Variants in LRRC8C observed in about 807,000 individuals in gnomAD.
The protein encoded by LRRC8C is leucine rich repeat containing 8 VRAC subunit C.
In LRRC8C, 20 loss-of-function variants were observed where a neutral mutation model predicts 55.3. The ratio of observed to expected loss-of-function variants is 0.36; its 90% confidence interval spans 0.25 to 0.53. The LOEUF (loss-of-function observed/expected upper bound fraction) is 0.53, where lower values mean the gene tolerates loss of function less well. Ranked by LOEUF, LRRC8C falls within the 20% of genes least tolerant of loss-of-function variation. The pLI is 0.92. For missense variants in LRRC8C, 659 were observed against 951.4 expected (o/e 0.69, Z 4.04); for synonymous variants, 376 against 360.7 (o/e 1.04, Z -0.48).
chr1:89,689,662 C>T (rs576798117), intron 2 of LRRC8C, among the ~76,000 whole-genome samples: 4 of 152,020 alleles, frequency 2.6e-5, no homozygotes, highest in South Asian at 2.1e-4. Context: ...AGAAATCGGC[C>T]GGGCATGGTG....
At chr1:89,628,577 G>A (rs1046194138), upstream of LRRC8C, among the ~76,000 whole-genome samples, 4 of 152,138 alleles carry the variant, frequency 2.6e-5, no homozygotes, top group Non-Finnish European at 5.9e-5. Flanking sequence ...TGGGTTCAAT[G>A]AAGTATGGAA....
In LRRC8C at chr1:89,718,597, C is replaced by T. The variant is rs915580723; in HGVS notation, c.*3615C>T. 1.3e-5 allele frequency: 2 copies of T among 152,072 alleles called. No homozygotes were observed. Among genetic ancestry groups the T allele is most frequent in the African/African-American group, 4.8e-5 (2 of 41,402 alleles). The allele number at this position is 152,072 out of a possible 1,614,324, so 9.4% of individuals were successfully genotyped here. On this transcript the variant is annotated 3_prime_UTR_variant, in exon 3 of 3. Coordinates refer to ENST00000370454, the MANE Select transcript of LRRC8C (RefSeq NM_032270.5). ...TCTAATTTCATACCAAATACCTGAT[C>T]AATAGAAATGATATATTTAAGCAGC...
chr1:89,706,420 T>G (rs1310580165), intron 2 of LRRC8C: 1 of 443,562 alleles, frequency 2.3e-6, no homozygotes, highest in Non-Finnish European at 4.5e-6. Context: ...GCTTTTTCAC[T>G]TCCATACTTT....
At chr1:89,702,132 T>C (rs1019501230) in intron 2 of LRRC8C, among the ~76,000 whole-genome samples, 1 of 152,082 alleles carries the variant, frequency 6.6e-6, no homozygotes, top group South Asian at 2.1e-4. Flanking sequence ...GCAGACTGAC[T>C]CTGTGAGGCC....
At chr1:89,625,253 T>C in the LRRC8C span, 1 of 152,160 alleles carries the variant, frequency 6.6e-6, no homozygotes, top group Admixed American at 6.5e-5. Flanking sequence ...TATAAAATTC[T>C]CACACCAAAC....
intron 1 of LRRC8C, among the ~76,000 whole-genome samples, chr1:89,676,877 A>G (rs1657562800): frequency 6.6e-6 from 1 of 152,224 alleles, no homozygotes; most frequent in African/African-American, 2.4e-5. Context: ...CACCTAGCAC[A>G]GAGCCTGACA....
chr1:89,622,625 G>A, the LRRC8C span, among the ~76,000 whole-genome samples: 2 of 152,078 alleles, frequency 1.3e-5, no homozygotes, highest in African/African-American at 4.8e-5. Flanking sequence ...GAGCCACCGC[G>A]CCTGGCCTAC....
chr1:89,714,891 G>A lies in LRRC8C; in HGVS notation c.2321G>A (p.Cys774Tyr). ...ATCCTCCCTCCTGAACTGGGTGACT[G>A]TCGGGCTCTGAAGCGAGCTGGTTTA... Reference protein sequence around the residue: ...FEILPPELGDCRALKRAGLVV... With the variant: ...FEILPPELGDYRALKRAGLVV... The change falls in exon 3 of 3, where the codon TGT (cysteine) becomes TAT (tyrosine). Residue 774 changes from cysteine to tyrosine, a missense_variant. Physicochemically the swap from Cys to Tyr is radical, Grantham distance 194. Coordinates refer to ENST00000370454, the MANE Select transcript of LRRC8C (RefSeq NM_032270.5). The surrounding 1 kb of genome is among the most constrained non-coding windows in gnomAD (Gnocchi z 4.6). 6.2e-7 allele frequency: 1 copy of A among 1,614,120 alleles called. No homozygotes were observed. The highest frequency in any genetic ancestry group is 8.5e-7 in the Non-Finnish European group (1 of 1,179,996).
At chr1:89,661,016 A>G (rs1657105396) in intron 1 of LRRC8C, among the ~76,000 whole-genome samples, 1 of 152,110 alleles carries the variant, frequency 6.6e-6, no homozygotes, top group Non-Finnish European at 1.5e-5. Flanking sequence ...GCTTGTCTCA[A>G]TTTACATAGT....
chr1:89,621,468 A>C, the LRRC8C span, among the ~76,000 whole-genome samples: 3 of 151,994 alleles, frequency 2.0e-5, no homozygotes, highest in South Asian at 6.2e-4. Context: ...CACCATCTCA[A>C]AAAAAAATTC....
intron 1 of LRRC8C, among the ~76,000 whole-genome samples, chr1:89,655,091 C>G (rs1656903801): frequency 6.6e-6 from 1 of 152,028 alleles, no homozygotes; most frequent in Non-Finnish European, 1.5e-5. Flanking sequence ...ACCTCTGTGT[C>G]ATTTTCTCCT....
intron 1 of LRRC8C, among the ~76,000 whole-genome samples, chr1:89,672,436 C>T (rs2185198): frequency 0.61 from 92,709 of 152,096 alleles, 28,574 homozygotes; most frequent in South Asian, 0.74. Context: ...TTCACATTAA[C>T]GAGCTCAATA....
chr1:89,641,551 A>G (rs1409121645), intron 1 of LRRC8C, among the ~76,000 whole-genome samples: 3 of 152,160 alleles, frequency 2.0e-5, no homozygotes, highest in Admixed American at 6.5e-5. Flanking sequence ...TGATCAAGTT[A>G]GAAACTTTTT....
intron 1 of LRRC8C, among the ~76,000 whole-genome samples, chr1:89,663,973 A>G (rs895781984): frequency 1.3e-5 from 2 of 151,710 alleles, no homozygotes; most frequent in Admixed American, 1.3e-4. Context: ...GATGGTGTTG[A>G]TTTTTTTCTT....
chr1:89,706,985 C>T (rs1378323061), intron 2 of LRRC8C, among the ~76,000 whole-genome samples: 1 of 152,090 alleles, frequency 6.6e-6, no homozygotes, highest in East Asian at 1.9e-4. Context: ...GGTTTCTTTT[C>T]CATAAGTACT....
At chr1:89,680,106 C>T (rs1223159289) in intron 1 of LRRC8C, among the ~76,000 whole-genome samples, 1 of 149,460 alleles carries the variant, frequency 6.7e-6, no homozygotes, top group Non-Finnish European at 1.5e-5. Context: ...TGGAGTCTCG[C>T]TCTGTCACCC....
upstream of LRRC8C, chr1:89,631,586 C>A (rs915466972): frequency 2.0e-5 from 3 of 151,718 alleles, no homozygotes; most frequent in Non-Finnish European, 4.4e-5. Context: ...TGGTGACTTA[C>A]AAGGTACTTG....
At chr1:89,671,466 A>AG (rs1179155087) in intron 1 of LRRC8C, among the ~76,000 whole-genome samples, 3 of 152,202 alleles carry the variant, frequency 2.0e-5, no homozygotes, top group African/African-American at 7.2e-5. Flanking sequence ...ATTTCGAGTG[A>AG]GGGGCCCTCA....
chr1:89,650,671 T>C (rs1431017059), intron 1 of LRRC8C, among the ~76,000 whole-genome samples: 3 of 152,248 alleles, frequency 2.0e-5, no homozygotes, highest in Non-Finnish European at 4.4e-5. Context: ...GGGCTTTGGT[T>C]GTTTCTTAGT....
Sources: allele counts gnomAD v4.1 joint callset (sites outside exome capture counted in the v4.1 genomes callset), GRCh38; gene constraint gnomAD v4.1.1; non-coding constraint Gnocchi (gnomAD v3.1); transcripts MANE v1.5; gene names NCBI Gene and HGNC (gene_info 2026-07-23, HGNC 2026-07-21).